The following CDKL3 variants were observed in gnomAD, a reference collection of about 807,000 sequenced individuals.
CDKL3 encodes the protein cyclin dependent kinase like 3, also known as cyclin-dependent kinase-like 3.
CDKL3 carries 65 observed loss-of-function variants against 69.3 expected under a neutral mutation model. That is an observed-to-expected ratio of 0.94 (90% CI 0.77 to 1.15). The LOEUF is 1.15. Ranked by LOEUF, CDKL3 falls within the 50% of genes most tolerant of loss-of-function variation. CDKL3 has a pLI of 0.00. For synonymous variants in CDKL3, 202 were observed against 221.6 expected (o/e 0.91, Z 0.79); for missense variants, 652 against 689.2 (o/e 0.95, Z 0.61).
At chr5:134,348,873 G>A (rs1395156544) in intron 4 of CDKL3, among the ~76,000 whole-genome samples, 1 of 152,102 alleles carries the variant, frequency 6.6e-6, no homozygotes, top group East Asian at 1.9e-4. Flanking sequence ...ACAAACCTAT[G>A]AAGTGAGTCC....
At chr5:134,371,532 G>A, upstream of CDKL3, 4 of 1,577,710 alleles carry the variant, frequency 2.5e-6, no homozygotes, top group South Asian at 1.1e-5. Context: ...CCGCCGCGCC[G>A]GGGGGTGGGG....
chr5:134,363,362 C>T (rs914844334), intron 2 of CDKL3, among the ~76,000 whole-genome samples: 1 of 151,736 alleles, frequency 6.6e-6, no homozygotes, highest in Non-Finnish European at 1.5e-5. Context: ...GGCGTGGTCT[C>T]GGCTCACTGA....
chr5:134,301,030 T>C (rs184506736), intron 12 of CDKL3, among the ~76,000 whole-genome samples: 1 of 152,094 alleles, frequency 6.6e-6, no homozygotes, highest in Non-Finnish European at 1.5e-5. Context: ...AGTTTCACTC[T>C]TGTTGTCTAG....
At chr5:134,353,461 C>T (rs578047857) in intron 3 of CDKL3, among the ~76,000 whole-genome samples, 1 of 152,216 alleles carries the variant, frequency 6.6e-6, no homozygotes, top group East Asian at 1.9e-4. Flanking sequence ...AGTCTATCAA[C>T]TTGTCTCCCT....
rs201987037 is a variant in CDKL3 at position 134,359,913 on chromosome 5, T to C, written c.344A>G (p.Tyr115Cys). The change falls in exon 3 of 13, where the codon TAT becomes TGT. Residue 115 changes from tyrosine to cysteine, a missense_variant. By Grantham distance (194) the Tyr-to-Cys change is radical (BLOSUM62 -2). Coordinates refer to ENST00000265334, the MANE Select transcript of CDKL3 (RefSeq NM_001113575.2). ...YLFQILRAID[Y>C]LHSNNIIHRD... ...AGCACTTACATTATTACTGTGAAGATAGTCAATTGCTCGAAGGATCTGGAA... is the reference window on the plus strand; with the variant it reads ...AGCACTTACATTATTACTGTGAAGACAGTCAATTGCTCGAAGGATCTGGAA... The C allele has an allele frequency of 1.3e-4, 199 of 1,582,770 alleles. No homozygotes were observed. The highest frequency in any genetic ancestry group is 2.3e-4 in the East Asian group (10 of 44,264).
chr5:134,325,319 T>C (rs185320679), intron 4 of CDKL3, among the ~76,000 whole-genome samples: 1 of 152,254 alleles, frequency 6.6e-6, no homozygotes, highest in Admixed American at 6.5e-5. Context: ...ACCTAAGAAA[T>C]AAAGGAATTA....
At chr5:134,293,002 C>CTTTTTTTTTTTTTTT (rs558156596) in intron 8 of CDKL3, among the ~76,000 whole-genome samples, 3 of 43,876 alleles carry the variant, frequency 6.8e-5, no homozygotes, top group Non-Finnish European at 8.8e-5. Flanking sequence ...CTGCCAATTT[C>CTTTTTTTTTTTTTTT]TTTTTTTTTT....
Position 134,350,390 on chromosome 5 carries a change from A to C in CDKL3, c.398T>G (p.Val133Gly). The change falls in exon 4 of 13, where the codon GTA becomes GGA. Residue 133 changes from valine (V) to glycine (G), a missense_variant. By Grantham distance (109) the Val-to-Gly change is moderately radical. Transcript: ENST00000265334. ...HRDIKPENIL[V>G]SQSGITKLCD... ...GAGCTTAGTAATTCCTGACTGGGAT[A>C]CTAAAATATTCTCAGGTTTTATATC... is the stretch of plus-strand genomic sequence containing the variant. The C allele has an allele frequency of 5.1e-6, 8 of 1,572,904 alleles. No homozygotes were observed. The highest frequency in any genetic ancestry group is 6.9e-6 in the Non-Finnish European group (8 of 1,158,040).
chr5:134,356,356 C>T (rs374356327), intron 3 of CDKL3, among the ~76,000 whole-genome samples: 5 of 152,210 alleles, frequency 3.3e-5, no homozygotes, highest in East Asian at 1.9e-4. Context: ...GCTCGCCCAC[C>T]ACTCATCTAC....
chr5:134,283,781 G>T (rs1053355302), downstream of CDKL3, among the ~76,000 whole-genome samples: 1 of 152,030 alleles, frequency 6.6e-6, no homozygotes, highest in African/African-American at 2.4e-5. Flanking sequence ...CCTTATCTGA[G>T]ATAAGGCAAG....
rs987695596 is a variant in CDKL3 at position 134,315,668 on chromosome 5, A to T, written c.793-3288T>A. 1.4e-4 allele frequency among the ~76,000 whole-genome samples: 22 copies of T among 152,280 alleles called. No individual in the cohort carries two copies. In the East Asian group the frequency reaches 3.9e-3, roughly 27 times the overall value. The stretch of plus-strand genomic sequence containing the variant: ...TTTAAAAAAAGAAATACAAATAGAC[A>T]ATGAATATTAGCATAATGTTTCTCT... On this transcript the variant is annotated intron_variant, in intron 6 of 12. Coordinates refer to ENST00000265334, the MANE Select transcript of CDKL3 (RefSeq NM_001113575.2).
chr5:134,352,138 G>T (rs1266521497), intron 3 of CDKL3, among the ~76,000 whole-genome samples: 1 of 152,032 alleles, frequency 6.6e-6, no homozygotes, highest in Non-Finnish European at 1.5e-5. Context: ...AGATCATGCG[G>T]TATTTGTCCT....
chr5:134,326,612 T>C (rs1774253723), intron 4 of CDKL3, among the ~76,000 whole-genome samples: 2 of 151,648 alleles, frequency 1.3e-5, no homozygotes, highest in Admixed American at 6.6e-5. Context: ...TCAGCTGACT[T>C]ACTCTCTTAT....
chr5:134,350,528 A>T, intron 3 of CDKL3, 101 bp from the exon 4 acceptor site: 1 of 775,082 alleles, frequency 1.3e-6, no homozygotes, highest in Non-Finnish European at 2.1e-6. Flanking sequence ...AAGATAGTAA[A>T]GCTATTTCCT....
intron 2 of CDKL3, among the ~76,000 whole-genome samples, chr5:134,365,840 A>G (rs764377828): frequency 2.1e-4 from 32 of 151,956 alleles, no homozygotes; most frequent in Non-Finnish European, 4.0e-4. Context: ...TGTTCCTCTA[A>G]CCTAGAACAC....
chr5:134,370,583 G>A (rs188158462), upstream of CDKL3, among the ~76,000 whole-genome samples: 30 of 152,222 alleles, frequency 2.0e-4, no homozygotes, highest in Admixed American at 1.8e-3. Flanking sequence ...GCAAGTCCCC[G>A]GACTCTGACA....
chr5:134,336,363 C>T (rs1014329137), intron 4 of CDKL3, among the ~76,000 whole-genome samples: 18 of 152,138 alleles, frequency 1.2e-4, no homozygotes, highest in African/African-American at 4.1e-4. Flanking sequence ...GTTTTGTTCC[C>T]TTGCTGGTGA....
At chr5:134,294,809 G>A (rs1054739844), downstream of CDKL3, among the ~76,000 whole-genome samples, 2 of 151,932 alleles carry the variant, frequency 1.3e-5, no homozygotes, top group African/African-American at 4.8e-5. Flanking sequence ...CTGTATATTA[G>A]CAACAAATAA....
Position 134,306,608 on chromosome 5 carries a change from C to T in CDKL3, c.1458+1G>A, listed in dbSNP as rs767634380. On this transcript the variant is annotated splice_donor_variant, in intron 10 of 12. Transcript: ENST00000265334. LOFTEE classifies it high-confidence loss of function. ...TTTTAATGTGTAGCTTCTTGCCTTA[C>T]TTGAATAGGACCTGGATCCTCTTGC... The T allele has an allele frequency of 1.9e-6, 3 of 1,571,626 alleles. No individual in the cohort carries two copies. The highest frequency in any genetic ancestry group is 2.6e-6 in the Non-Finnish European group (3 of 1,147,472).
Sources: allele counts gnomAD v4.1 joint callset (sites outside exome capture counted in the v4.1 genomes callset), GRCh38; gene constraint gnomAD v4.1.1; transcripts MANE v1.5; gene names NCBI Gene and HGNC (gene_info 2026-07-23, HGNC 2026-07-21).